The following POFUT3 variants were observed in gnomAD, a reference collection of about 807,000 sequenced individuals.
POFUT3 encodes the protein GDP-fucose protein O-fucosyltransferase 3.
At chr8:33,421,716 G>A in the POFUT3 span, among the ~76,000 whole-genome samples, 1 of 152,166 alleles carries the variant, frequency 6.6e-6, no homozygotes, top group Non-Finnish European at 1.5e-5. Context: ...GGCAATGACT[G>A]TTCAGAACTC....
the POFUT3 span, among the ~76,000 whole-genome samples, chr8:33,438,157 T>C: frequency 2.0e-5 from 3 of 152,214 alleles, no homozygotes; most frequent in Admixed American, 6.5e-5. Flanking sequence ...TGTGTTAAAT[T>C]GATAACATGA....
chr8:33,309,167 A>AAAT, the POFUT3 span, among the ~76,000 whole-genome samples: 226 of 53,632 alleles, frequency 4.2e-3, 5 homozygotes, highest in Non-Finnish European at 5.8e-3. Flanking sequence ...AAAAAAAAAA[A>AAAT]ATATATATAT....
chr8:33,446,456 CAA>C, the POFUT3 span, among the ~76,000 whole-genome samples: 6 of 138,430 alleles, frequency 4.3e-5, no homozygotes, highest in Admixed American at 7.3e-5. Context: ...GATCCTATTA[CAA>C]AAAAAAAAAA....
the POFUT3 span, among the ~76,000 whole-genome samples, chr8:33,450,098 G>A: frequency 5.1e-4 from 77 of 151,922 alleles, no homozygotes; most frequent in East Asian, 0.014. Flanking sequence ...GCATGACCAC[G>A]CCCAGCTATT....
chr8:33,391,594 G>C, the POFUT3 span, among the ~76,000 whole-genome samples: 2 of 152,178 alleles, frequency 1.3e-5, no homozygotes, highest in African/African-American at 4.8e-5. Context: ...TGCTCAAAAA[G>C]GGTCTAAGCT....
the POFUT3 span, among the ~76,000 whole-genome samples, chr8:33,358,018 G>A: frequency 5.9e-5 from 9 of 152,156 alleles, no homozygotes; most frequent in Non-Finnish European, 1.0e-4. Context: ...AGGCCAAGGC[G>A]GGCAGATCAC....
the POFUT3 span, among the ~76,000 whole-genome samples, chr8:33,433,591 G>A: frequency 1.0e-3 from 144 of 141,500 alleles, no homozygotes; most frequent in African/African-American, 3.3e-3. Flanking sequence ...CAGCCTGGGC[G>A]ATAGAGTGAG....
chr8:33,347,276 C>A, the POFUT3 span, among the ~76,000 whole-genome samples: 426 of 152,278 alleles, frequency 2.8e-3, 4 homozygotes, highest in African/African-American at 9.6e-3. Flanking sequence ...GTTGTATTTT[C>A]TCTGATCATT....
chr8:33,461,174 G>A, the POFUT3 span, among the ~76,000 whole-genome samples: 53 of 47,172 alleles, frequency 1.1e-3, no homozygotes, highest in Non-Finnish European at 2.1e-3. Flanking sequence ...TACTGTGTCG[G>A]AAGGAAGGAA....
chr8:33,456,195 G>A, the POFUT3 span, among the ~76,000 whole-genome samples: 2 of 152,110 alleles, frequency 1.3e-5, no homozygotes, highest in Non-Finnish European at 2.9e-5. Context: ...TCACTTAAAA[G>A]AAAGGCTTTT....
At chr8:33,373,415 A>G in the POFUT3 span, among the ~76,000 whole-genome samples, 1 of 152,314 alleles carries the variant, frequency 6.6e-6, no homozygotes, top group East Asian at 1.9e-4. Flanking sequence ...CCCAGTACTA[A>G]GATGTTTCCA....
chr8:33,367,891 G>GC, the POFUT3 span, among the ~76,000 whole-genome samples: 8 of 151,580 alleles, frequency 5.3e-5, no homozygotes, highest in African/African-American at 1.9e-4. Context: ...TTCATAATCA[G>GC]TTTTTTTTAA....
chr8:33,342,202 A>AAAAAATTT, the POFUT3 span, among the ~76,000 whole-genome samples: 1 of 152,038 alleles, frequency 6.6e-6, no homozygotes, highest in African/African-American at 2.4e-5. Context: ...TTAAAAAATT[A>AAAAAATTT]AAAAATTAGC....
the POFUT3 span, among the ~76,000 whole-genome samples, chr8:33,346,683 A>C: frequency 6.6e-6 from 1 of 152,190 alleles, no homozygotes; most frequent in Non-Finnish European, 1.5e-5. Context: ...TTGAGGCTCA[A>C]GTCACATCAG....
chr8:33,457,023 C>G, the POFUT3 span, among the ~76,000 whole-genome samples: 1 of 152,090 alleles, frequency 6.6e-6, no homozygotes, highest in South Asian at 2.1e-4. Flanking sequence ...CCCACCTCAG[C>G]CTCCTAAAGT....
chr8:33,330,098 G>A, the POFUT3 span, among the ~76,000 whole-genome samples: 8 of 152,202 alleles, frequency 5.3e-5, no homozygotes, highest in East Asian at 3.9e-4. Context: ...TTTTTTAAAC[G>A]TTTGCTTCAT....
At chr8:33,341,683 C>T in the POFUT3 span, among the ~76,000 whole-genome samples, 1 of 151,852 alleles carries the variant, frequency 6.6e-6, no homozygotes, top group Non-Finnish European at 1.5e-5. Flanking sequence ...AAAAAAAGAG[C>T]AAGATAAATC....
At chr8:33,427,202 A>G in the POFUT3 span, among the ~76,000 whole-genome samples, 1 of 152,132 alleles carries the variant, frequency 6.6e-6, no homozygotes, top group Non-Finnish European at 1.5e-5. Context: ...GCATGCATCT[A>G]CCATCCCAGC....
the POFUT3 span, among the ~76,000 whole-genome samples, chr8:33,420,173 T>C: frequency 3.9e-4 from 59 of 152,318 alleles, no homozygotes; most frequent in East Asian, 0.01. Flanking sequence ...ATTTATTACA[T>C]ATATGTGTGT....
Sources: allele counts gnomAD v4.1 joint callset (sites outside exome capture counted in the v4.1 genomes callset), GRCh38; gene constraint gnomAD v4.1.1; transcripts MANE v1.5; gene names NCBI Gene and HGNC (gene_info 2026-07-23, HGNC 2026-07-21).